Variants in CPQ observed in about 807,000 individuals in gnomAD.
CPQ encodes the protein Ser-Met dipeptidase.
Under a neutral mutation model 45.7 loss-of-function variants are expected in CPQ, and 37 were observed. That is an observed-to-expected ratio of 0.81 (90% CI 0.62 to 1.07). The LOEUF (loss-of-function observed/expected upper bound fraction) is 1.07, where lower values mean the gene tolerates loss of function less well. CPQ is among the 50% of genes least tolerant of loss of function. The pLI, the probability that CPQ is intolerant of heterozygous loss-of-function variation, is 0.00. For missense variants in CPQ, 537 were observed against 572.9 expected (o/e 0.94, Z 0.64); for synonymous variants, 186 against 205.8 (o/e 0.90, Z 0.82).
chr8:96,907,126 T>C (rs1237406995), intron 4 of CPQ, among the ~76,000 whole-genome samples: 1 of 152,214 alleles, frequency 6.6e-6, no homozygotes, highest in African/African-American at 2.4e-5. Context: ...GTATAGCTGC[T>C]GTAACAGAGA....
At chr8:96,964,672 C>A (rs1813525447) in intron 4 of CPQ, among the ~76,000 whole-genome samples, 1 of 151,768 alleles carries the variant, frequency 6.6e-6, no homozygotes, top group African/African-American at 2.4e-5. Flanking sequence ...AAATTGTTAA[C>A]CAATGTGTGA....
chr8:96,999,252 T>A (rs910678698), intron 5 of CPQ, among the ~76,000 whole-genome samples: 3 of 151,698 alleles, frequency 2.0e-5, no homozygotes, highest in Admixed American at 6.6e-5. Context: ...TTAACTTTTA[T>A]TTTAAGGTCA....
At chr8:96,972,240 C>T (rs768522597) in intron 5 of CPQ, among the ~76,000 whole-genome samples, 1 of 152,128 alleles carries the variant, frequency 6.6e-6, no homozygotes, top group Non-Finnish European at 1.5e-5. Context: ...GCCAGCTTTC[C>T]TCCACCTCCC....
chr8:96,659,298 T>C (rs911945964), intron 1 of CPQ: 3 of 152,204 alleles, frequency 2.0e-5, no homozygotes, highest in Non-Finnish European at 2.9e-5. Flanking sequence ...CCTACCATTT[T>C]GTGGTTCCAG....
intron 7 of CPQ, among the ~76,000 whole-genome samples, chr8:97,116,601 A>C (rs1386508567): frequency 6.6e-6 from 1 of 152,174 alleles, no homozygotes; most frequent in African/African-American, 2.4e-5. Flanking sequence ...GACTGTGTGG[A>C]TCCCTCTGGT....
At position 96,879,946 on chromosome 8, in the gene CPQ, C is replaced by T; in HGVS notation, c.790C>T (p.Pro264Ser). Residue 264 changes from proline to serine, a missense_variant, in exon 4 of 8, where the codon CCA becomes TCA. Physicochemically the swap from Pro to Ser is moderately conservative, Grantham distance 74 (BLOSUM62 -1). Coordinates refer to ENST00000220763, the MANE Select transcript of CPQ (RefSeq NM_016134.4). ...IQLKMGAKTY[P>S]DTDSFNTVAE... Reference sequence around the variant, plus strand: ...GCTAAAGATGGGGGCAAAGACCTACCCAGATACTGATTCCTTCAACACTGT... The same window carrying T: ...GCTAAAGATGGGGGCAAAGACCTACTCAGATACTGATTCCTTCAACACTGT... 1 of 1,613,966 alleles carries T rather than the reference C, an allele frequency of 6.2e-7. No homozygotes were observed. The highest frequency in any genetic ancestry group is 8.5e-7 in the Non-Finnish European group (1 of 1,179,958).
intron 4 of CPQ, among the ~76,000 whole-genome samples, chr8:96,954,748 C>T (rs1300799811): frequency 2.0e-5 from 3 of 151,970 alleles, no homozygotes. Flanking sequence ...CCTCCCCACT[C>T]CCCCAACCCC....
At chr8:96,807,590 A>G (rs1435526922) in intron 2 of CPQ, among the ~76,000 whole-genome samples, 4 of 152,196 alleles carry the variant, frequency 2.6e-5, no homozygotes, top group Admixed American at 2.0e-4. Flanking sequence ...ATATAGAAGC[A>G]TATTGTATGC....
At chr8:96,756,820 A>T (rs954769584) in intron 1 of CPQ, among the ~76,000 whole-genome samples, 1 of 152,094 alleles carries the variant, frequency 6.6e-6, no homozygotes, top group Non-Finnish European at 1.5e-5. Flanking sequence ...CAAAGCTGTC[A>T]CCCTGATATT....
intron 5 of CPQ, among the ~76,000 whole-genome samples, chr8:97,028,476 C>T (rs1157935798): frequency 1.3e-5 from 2 of 152,334 alleles, no homozygotes; most frequent in African/African-American, 2.4e-5. Context: ...GGTGGGAAAA[C>T]GAATCCTCTT....
At chr8:96,875,127 T>G (rs776329345) in intron 3 of CPQ, among the ~76,000 whole-genome samples, 26 of 151,940 alleles carry the variant, frequency 1.7e-4, no homozygotes, top group Non-Finnish European at 3.7e-4. Flanking sequence ...TTTATGTATC[T>G]TCTTTGGAGA....
rs113622854 is a variant in CPQ, at chr8:97,095,891, C to G, written c.1255+29681C>G. Among the ~76,000 whole-genome samples the G allele has an allele frequency of 1.7e-3, 253 of 152,272 alleles. 3 individuals are homozygous for G. Among genetic ancestry groups the G allele is most frequent in the Admixed American group, 0.013 (196 of 15,298 alleles). On this transcript the variant is annotated intron_variant, in intron 7 of 7. Coordinates refer to ENST00000220763, the MANE Select transcript of CPQ (RefSeq NM_016134.4). ...AACTTAAAACATAGCCTTAATCATA[C>G]TATATCATAGTTGGCTACTTGTTTT...
intron 5 of CPQ, among the ~76,000 whole-genome samples, chr8:96,985,013 T>C (rs1252376844): frequency 6.6e-6 from 1 of 152,224 alleles, no homozygotes; most frequent in Non-Finnish European, 1.5e-5. Context: ...ATCAGTTTTA[T>C]TTGAAAACAC....
intron 5 of CPQ, among the ~76,000 whole-genome samples, chr8:96,995,831 A>G (rs1299444771): frequency 6.6e-6 from 1 of 152,004 alleles, no homozygotes; most frequent in East Asian, 1.9e-4. Flanking sequence ...TCTTTCCACC[A>G]TCTCACACCA....
chr8:97,140,846 T>A (rs1812146401), intron 7 of CPQ, among the ~76,000 whole-genome samples: 1 of 152,048 alleles, frequency 6.6e-6, no homozygotes, highest in Non-Finnish European at 1.5e-5. Context: ...GTGGCATTGT[T>A]GCAGAGATAG....
chr8:96,729,115 A>G (rs1033499987), intron 1 of CPQ, among the ~76,000 whole-genome samples: 3 of 152,218 alleles, frequency 2.0e-5, no homozygotes, highest in African/African-American at 7.2e-5. Context: ...TAAATAACCA[A>G]TGGGAACTAT....
chr8:97,090,293 T>C (rs778284045), intron 7 of CPQ, among the ~76,000 whole-genome samples: 5 of 152,188 alleles, frequency 3.3e-5, no homozygotes, highest in Non-Finnish European at 5.9e-5. Flanking sequence ...ATAATTCCAA[T>C]GCTCTGACAA....
chr8:96,839,093 TTA>T (rs60795722), intron 3 of CPQ, among the ~76,000 whole-genome samples: 84,531 of 148,122 alleles, frequency 0.57, 25,111 homozygotes, highest in East Asian at 0.87. Flanking sequence ...GAACATTATA[TTA>T]TATATATATA....
rs1283723055 is a variant in CPQ at position 97,040,719 on chromosome 8, A to G, written c.1053+11225A>G. On this transcript the variant is annotated intron_variant, in intron 6 of 7. Coordinates refer to ENST00000220763, the MANE Select transcript of CPQ (RefSeq NM_016134.4). ...CTACATATGGCTAGCCAGTTTTCCC[A>G]GCACCATTTATTAAATAGGGAATCC... Among the ~76,000 whole-genome samples the G allele has an allele frequency of 2.0e-5, 3 of 151,994 alleles. No homozygotes were observed. In the East Asian group the frequency reaches 5.8e-4, roughly 29 times the overall value.
Sources: gnomAD v4.1 joint callset for allele counts (sites outside exome capture counted in the v4.1 genomes callset) on GRCh38, gnomAD v4.1.1 for gene constraint, MANE v1.5 for transcripts, NCBI Gene and HGNC (gene_info 2026-07-23, HGNC 2026-07-21) for gene names.